UTS2B: variants seen among roughly 807,000 people sequenced by gnomAD.
The protein encoded by UTS2B is urotensin 2B.
A neutral mutation model predicts 19.2 loss-of-function variants in UTS2B; 21 were observed. The observed-to-expected ratio is 1.09, with a 90% CI of 0.78 to 1.58. The LOEUF is 1.58. UTS2B is among the 40% of genes most tolerant of loss of function. The pLI is 0.00. For missense variants in UTS2B, 138 were observed against 130.3 expected (o/e 1.06, Z -0.29); for synonymous variants, 57 against 50.2 (o/e 1.14, Z -0.58).
chr3:191,268,517 T>C, intron 8 of UTS2B, 76 bp from the exon 9 acceptor site: 1 of 1,019,880 alleles, frequency 9.8e-7, no homozygotes, highest in Non-Finnish European at 1.4e-6. Context: ...ATAGCTTATG[T>C]GTGCCTGAAT....
chr3:191,296,746 C>T (rs1249595708), intron 4 of UTS2B, among the ~76,000 whole-genome samples: 2 of 152,144 alleles, frequency 1.3e-5, no homozygotes, highest in Non-Finnish European at 2.9e-5. Flanking sequence ...TTAAGGAAAG[C>T]GGGAGGCTGA....
At chr3:191,332,524 T>C (rs1049544813), upstream of UTS2B, among the ~76,000 whole-genome samples, 3 of 152,218 alleles carry the variant, frequency 2.0e-5, no homozygotes, top group African/African-American at 7.2e-5. Flanking sequence ...TTCTGAAACA[T>C]TTGAGGTTCT....
At chr3:191,281,194 G>C (rs1716375888) in intron 5 of UTS2B, among the ~76,000 whole-genome samples, 1 of 152,134 alleles carries the variant, frequency 6.6e-6, no homozygotes, top group Admixed American at 6.5e-5. Context: ...TTCCCCTTAA[G>C]TAAGCTGAGA....
At chr3:191,303,540 A>G (rs904583143) in intron 4 of UTS2B, among the ~76,000 whole-genome samples, 8 of 152,170 alleles carry the variant, frequency 5.3e-5, no homozygotes, top group African/African-American at 1.9e-4. Flanking sequence ...TAAAAAAAAA[A>G]AAAAAACTCA....
At chr3:191,340,490 G>A in the UTS2B span, among the ~76,000 whole-genome samples, 2 of 152,198 alleles carry the variant, frequency 1.3e-5, no homozygotes, top group Non-Finnish European at 2.9e-5. Context: ...ATGTTAATAT[G>A]TTGGTTAGAT....
chr3:191,317,950 T>A (rs1177129125), intron 2 of UTS2B, among the ~76,000 whole-genome samples: 1 of 152,188 alleles, frequency 6.6e-6, no homozygotes, highest in Non-Finnish European at 1.5e-5. Flanking sequence ...AGAAGTTGCC[T>A]GGCCTTCTTA....
At chr3:191,277,184 G>T (rs1051163743) in intron 6 of UTS2B, among the ~76,000 whole-genome samples, 1 of 152,038 alleles carries the variant, frequency 6.6e-6, no homozygotes, top group Non-Finnish European at 1.5e-5. Context: ...GGTTGTGGGC[G>T]GGGGGAAGCA....
At chr3:191,343,197 G>GTATA in the UTS2B span, among the ~76,000 whole-genome samples, 1 of 152,168 alleles carries the variant, frequency 6.6e-6, no homozygotes, top group Non-Finnish European at 1.5e-5. Flanking sequence ...TCCCCCTCAC[G>GTATA]TATACCCAGG....
At chr3:191,315,246 C>T (rs77203087) in intron 3 of UTS2B, among the ~76,000 whole-genome samples, 33,392 of 152,072 alleles carry the variant, frequency 0.22, 4,007 homozygotes, top group South Asian at 0.29. Flanking sequence ...CTCCTGACCT[C>T]AGGTGATCTG....
chr3:191,341,086 C>A, the UTS2B span, among the ~76,000 whole-genome samples: 1 of 152,084 alleles, frequency 6.6e-6, no homozygotes, highest in South Asian at 2.1e-4. Flanking sequence ...TTAGCCTGCA[C>A]TGGGATCATT....
intron 2 of UTS2B, among the ~76,000 whole-genome samples, chr3:191,327,092 T>A (rs190543520): frequency 6.0e-4 from 92 of 152,356 alleles, no homozygotes; most frequent in Middle Eastern, 3.4e-3. Context: ...TTTTGGCATA[T>A]CTTACTGTAA....
At chr3:191,297,913 C>A (rs987285795) in intron 4 of UTS2B, among the ~76,000 whole-genome samples, 9 of 152,190 alleles carry the variant, frequency 5.9e-5, no homozygotes, top group African/African-American at 2.2e-4. Context: ...TTCTTGGTCA[C>A]CTGCTTTAGA....
chr3:191,304,533 T>G lies in UTS2B; in HGVS notation c.-166A>C, dbSNP rs1010639562. On this transcript the variant is annotated 5_prime_UTR_variant, in exon 4 of 9. Transcript: ENST00000340524. Reference sequence around the variant, plus strand: ...TTCCTCCCAAATAAACTCCTTTGACTTGGATCCTTCTGCTTCTGCAGAAAG... The same window carrying G: ...TTCCTCCCAAATAAACTCCTTTGACGTGGATCCTTCTGCTTCTGCAGAAAG... 6.6e-6 allele frequency: 1 copy of G among 152,228 alleles called. No individual in the cohort carries two copies. Among genetic ancestry groups the G allele is most frequent in the African/African-American group, 2.4e-5 (1 of 41,450 alleles). The allele number at this position is 152,228 out of a possible 1,614,324, so 9.4% of individuals were successfully genotyped here. A position where few individuals can be genotyped will look rare whatever the true frequency, so the allele number is the denominator to read the frequency against.
At position 191,267,861 on chromosome 3, in the gene UTS2B, T is replaced by C. The variant is rs1715981209; in HGVS notation, c.*555A>G. The C allele has an allele frequency of 1.3e-5, 2 of 152,212 alleles. No homozygotes were observed. Among genetic ancestry groups the C allele is most frequent in the African/African-American group, 4.8e-5 (2 of 41,454 alleles). 9.4% of individuals were successfully genotyped at this position (152,212 alleles called of 1,614,324 possible). On this transcript the variant is annotated 3_prime_UTR_variant, in exon 9 of 9. Coordinates refer to ENST00000340524, the MANE Select transcript of UTS2B (RefSeq NM_198152.5). ...TTAAAACAGAAACACAATCTTTCCA[T>C]AACCTATGATTAGCAAGATATTAAT... is the stretch of plus-strand genomic sequence containing the variant.
At chr3:191,310,256 G>A (rs564628089) in intron 3 of UTS2B, among the ~76,000 whole-genome samples, 23 of 149,650 alleles carry the variant, frequency 1.5e-4, no homozygotes, top group African/African-American at 5.4e-4. Flanking sequence ...GTAAGCCACC[G>A]CACCCAGCCA....
chr3:191,283,682 G>C (rs1716452585), intron 4 of UTS2B, among the ~76,000 whole-genome samples: 1 of 152,094 alleles, frequency 6.6e-6, no homozygotes, highest in African/African-American at 2.4e-5. Context: ...AAAATTTCTA[G>C]TAATTGAAAG....
At chr3:191,306,911 C>T (rs552352477) in intron 3 of UTS2B, among the ~76,000 whole-genome samples, 1 of 152,228 alleles carries the variant, frequency 6.6e-6, no homozygotes, top group South Asian at 2.1e-4. Context: ...GGATTATAGG[C>T]GTGATCCACT....
intron 8 of UTS2B, among the ~76,000 whole-genome samples, chr3:191,270,000 G>A (rs898949211): frequency 1.2e-4 from 19 of 152,250 alleles, no homozygotes; most frequent in Middle Eastern, 3.4e-3. Flanking sequence ...TGTATTCTCC[G>A]TTTTTAGCAT....
intron 4 of UTS2B, among the ~76,000 whole-genome samples, chr3:191,295,270 CT>C (rs1267593926): frequency 6.6e-6 from 1 of 151,888 alleles, no homozygotes; most frequent in Non-Finnish European, 1.5e-5. Context: ...TAAAATAGCC[CT>C]TTCTAAAAAT....
Sources: allele counts gnomAD v4.1 joint callset (sites outside exome capture counted in the v4.1 genomes callset), GRCh38; gene constraint gnomAD v4.1.1; transcripts MANE v1.5; gene names NCBI Gene and HGNC (gene_info 2026-07-23, HGNC 2026-07-21).